The following ECT2L variants were observed in gnomAD, a reference collection of about 807,000 sequenced individuals.
The protein encoded by ECT2L is epithelial cell transforming 2 like, also known as epithelial cell-transforming sequence 2 oncogene-like.
In ECT2L, 126 loss-of-function variants were observed where a neutral mutation model predicts 122.8. The observed-to-expected ratio is 1.03, with a 90% CI of 0.89 to 1.19. The LOEUF (loss-of-function observed/expected upper bound fraction) is 1.19, where lower values mean the gene tolerates loss of function less well. ECT2L is among the 50% of genes most tolerant of loss of function. The pLI is 0.00. For missense variants in ECT2L, 1,012 were observed against 1,064.1 expected, an observed-to-expected ratio of 0.95 and a Z score of 0.68; for synonymous variants, 385 against 381.8, an observed-to-expected ratio of 1.01 and a Z score of -0.10.
At chr6:138,878,332 CAT>C (rs1224243354) in intron 14 of ECT2L, among the ~76,000 whole-genome samples, 10 of 148,212 alleles carry the variant, frequency 6.7e-5, no homozygotes, top group African/African-American at 9.9e-5. Flanking sequence ...CACACACACA[CAT>C]ACATATATAC....
At chr6:138,898,403 C>T (rs536850981) in intron 20 of ECT2L, among the ~76,000 whole-genome samples, 1 of 152,324 alleles carries the variant, frequency 6.6e-6, no homozygotes, top group African/African-American at 2.4e-5. Context: ...TTGACCCACA[C>T]ACCTAAAACA....
intron 14 of ECT2L, among the ~76,000 whole-genome samples, chr6:138,878,639 G>C (rs1237971118): frequency 6.6e-6 from 1 of 151,794 alleles, no homozygotes; most frequent in African/African-American, 2.4e-5. Flanking sequence ...TAGAGACAGA[G>C]TTTTGCCATG....
At chr6:138,803,752 T>A (rs1193737788) in intron 1 of ECT2L, among the ~76,000 whole-genome samples, 2 of 152,212 alleles carry the variant, frequency 1.3e-5, no homozygotes, top group African/African-American at 4.8e-5. Flanking sequence ...CCAAATCTGG[T>A]GCTCACTATG....
chr6:138,867,441 G>A (rs1474984379), intron 12 of ECT2L, among the ~76,000 whole-genome samples: 1 of 151,906 alleles, frequency 6.6e-6, no homozygotes, highest in Non-Finnish European at 1.5e-5. Flanking sequence ...TTGGGAGGCT[G>A]AGGTGGGCAG....
intron 4 of ECT2L, among the ~76,000 whole-genome samples, chr6:138,829,005 C>T (rs539684563): frequency 5.2e-4 from 77 of 149,286 alleles, no homozygotes; most frequent in African/African-American, 1.6e-3. Flanking sequence ...CAGGCTAAGG[C>T]GCTGGCTAAG....
chr6:138,826,033 G>C (rs934604945), intron 4 of ECT2L, among the ~76,000 whole-genome samples: 7 of 152,154 alleles, frequency 4.6e-5, no homozygotes, highest in African/African-American at 1.7e-4. Flanking sequence ...TCTTCGCCCA[G>C]TTCGCCTGTT....
At chr6:138,859,903 C>G (rs1777761373) in intron 10 of ECT2L, among the ~76,000 whole-genome samples, 1 of 151,896 alleles carries the variant, frequency 6.6e-6, no homozygotes, top group Non-Finnish European at 1.5e-5. Context: ...CAACTTCTGC[C>G]TCCCAGGTTC....
intron 3 of ECT2L, among the ~76,000 whole-genome samples, chr6:138,814,105 A>G (rs1775991723): frequency 6.6e-6 from 1 of 152,192 alleles, no homozygotes; most frequent in Non-Finnish European, 1.5e-5. Context: ...TGTTTTCACA[A>G]TTAAATGAGT....
chr6:138,846,328 T>A (rs1209488544), intron 7 of ECT2L, among the ~76,000 whole-genome samples: 1 of 152,164 alleles, frequency 6.6e-6, no homozygotes, highest in Non-Finnish European at 1.5e-5. Flanking sequence ...ATCCCACATG[T>A]GGTGGAGGAG....
intron 1 of ECT2L, among the ~76,000 whole-genome samples, chr6:138,806,029 C>A (rs1775699604): frequency 6.6e-6 from 1 of 152,200 alleles, no homozygotes; most frequent in Non-Finnish European, 1.5e-5. Context: ...ACCTTTATTT[C>A]ATACCAAGAC....
At chr6:138,902,411 A>G in intron 21 of ECT2L, 89 bp from the exon 22 acceptor site, 2 of 1,284,302 alleles carry the variant, frequency 1.6e-6, no homozygotes, top group Non-Finnish European at 2.2e-6. Context: ...AAAAATTCTT[A>G]AAGATGATGA....
intron 14 of ECT2L, among the ~76,000 whole-genome samples, chr6:138,877,515 C>T (rs948592384): frequency 2.0e-5 from 3 of 152,138 alleles, no homozygotes; most frequent in Admixed American, 6.5e-5. Flanking sequence ...TATATACATA[C>T]AGAAATACAC....
intron 4 of ECT2L, among the ~76,000 whole-genome samples, chr6:138,820,236 A>G (rs549401742): frequency 6.6e-6 from 1 of 152,322 alleles, no homozygotes; most frequent in African/African-American, 2.4e-5. Flanking sequence ...GCTTTAGGAA[A>G]GGGCGTGTAG....
chr6:138,824,734 T>C (rs1005278897), intron 4 of ECT2L, among the ~76,000 whole-genome samples: 3 of 152,036 alleles, frequency 2.0e-5, no homozygotes, highest in East Asian at 3.9e-4. Context: ...CAGGAATGGT[T>C]GTTGAGGAGA....
At chr6:138,808,719 TTTCTC>T (rs1775791518) in intron 1 of ECT2L, among the ~76,000 whole-genome samples, 1 of 143,622 alleles carries the variant, frequency 7.0e-6, no homozygotes, top group African/African-American at 2.5e-5. Context: ...AATTTTTTCC[TTTCTC>T]TTTTCTTTTT....
intron 1 of ECT2L, among the ~76,000 whole-genome samples, chr6:138,812,270 C>T (rs967168362): frequency 3.9e-5 from 6 of 152,204 alleles, no homozygotes; most frequent in Admixed American, 2.6e-4. Context: ...GTCACCCAGT[C>T]TGTGGTAGTT....
At position 138,871,635 on chromosome 6, in the gene ECT2L, G is replaced by A. The variant is rs189383415; in HGVS notation, c.1578+3429G>A. Among the ~76,000 whole-genome samples the A allele has an allele frequency of 9.4e-3, 1,434 of 152,058 alleles. 25 individuals carry two copies. The highest frequency in any genetic ancestry group is 0.033 in the African/African-American group (1,360 of 41,464). ...AGCCTGGCCAACATGGTGAGACCCC[G>A]TCTCTACTAAAAATACTAAAATTAG... On this transcript the variant is annotated intron_variant, in intron 13 of 21. Transcript: ENST00000541398.
At chr6:138,834,935 A>ACACACACACACACACT (rs5880405) in intron 4 of ECT2L, among the ~76,000 whole-genome samples, 40 of 142,858 alleles carry the variant, frequency 2.8e-4, no homozygotes, top group Admixed American at 2.6e-3. Flanking sequence ...ACACACACAC[A>ACACACACACACACACT]CTCTCATTCT....
chr6:138,824,541 TAAA>T (rs147704560), intron 4 of ECT2L, among the ~76,000 whole-genome samples: 3 of 121,310 alleles, frequency 2.5e-5, no homozygotes, highest in African/African-American at 5.9e-5. Context: ...AAAAAAGCAA[TAAA>T]AAAAAAAAAA....
Sources: allele counts gnomAD v4.1 joint callset (sites outside exome capture counted in the v4.1 genomes callset), GRCh38; gene constraint gnomAD v4.1.1; transcripts MANE v1.5; gene names NCBI Gene and HGNC (gene_info 2026-07-23, HGNC 2026-07-21).